Variants in CADM2 observed in about 807,000 individuals in gnomAD.
CADM2 encodes the protein cell adhesion molecule 2, also known as immunoglobulin superfamily member 4D.
In CADM2, 12 loss-of-function variants were observed where a neutral mutation model predicts 49.8. That is an observed-to-expected ratio of 0.24 (90% CI 0.15 to 0.39). The LOEUF (loss-of-function observed/expected upper bound fraction) is 0.39. Among genes scored for constraint, CADM2 ranks in the 10% least tolerant of loss-of-function variants. The probability of loss-of-function intolerance (pLI) is 1.00; values close to 1 mark genes in which losing one functional copy is unlikely to be tolerated. For synonymous variants in CADM2, 214 were observed against 175.4 expected (o/e 1.22, Z -1.74); for missense variants, 378 against 492.3 (o/e 0.77, Z 2.20).
intron 1 of CADM2, among the ~76,000 whole-genome samples, chr3:85,718,666 GAAAACGGTAGAGTGAA>G (rs895071652): frequency 6.6e-5 from 10 of 151,920 alleles, no homozygotes; most frequent in Admixed American, 6.6e-4. Flanking sequence ...CTAGAACCAT[GAAAACGGTAGAGTGAA>G]AAAAATTTAA....
chr3:85,367,796 T>G (rs1386867258), intron 1 of CADM2, among the ~76,000 whole-genome samples: 2 of 149,432 alleles, frequency 1.3e-5, no homozygotes, highest in Non-Finnish European at 3.0e-5. Context: ...TCATCATGTG[T>G]TCAAAGTTTC....
chr3:85,206,603 G>A (rs1049032807), intron 1 of CADM2, among the ~76,000 whole-genome samples: 8 of 152,082 alleles, frequency 5.3e-5, no homozygotes, highest in Admixed American at 1.3e-4. Context: ...CACCGCGCCC[G>A]GCCGAATTTA....
chr3:85,500,681 C>T (rs941864833), intron 1 of CADM2, among the ~76,000 whole-genome samples: 3 of 151,910 alleles, frequency 2.0e-5, no homozygotes, highest in Admixed American at 1.3e-4. Flanking sequence ...CTATGCCTGG[C>T]TGATTTTTTG....
intron 1 of CADM2, among the ~76,000 whole-genome samples, chr3:84,988,608 C>T (rs368050932): frequency 6.6e-6 from 1 of 152,118 alleles, no homozygotes; most frequent in African/African-American, 2.4e-5. Flanking sequence ...GGCTTTGAAA[C>T]CCTCATTGGC....
chr3:85,946,301 C>T (rs954388492), intron 7 of CADM2, among the ~76,000 whole-genome samples: 1 of 150,068 alleles, frequency 6.7e-6, no homozygotes, highest in Non-Finnish European at 1.5e-5. Context: ...AATGGAGGAA[C>T]ATTCCATGCT....
chr3:85,677,054 T>C (rs1216016398), intron 1 of CADM2, among the ~76,000 whole-genome samples: 1 of 152,136 alleles, frequency 6.6e-6, no homozygotes, highest in African/African-American at 2.4e-5. Flanking sequence ...ATAGGACACT[T>C]CTGCTAATGT....
intron 1 of CADM2, among the ~76,000 whole-genome samples, chr3:85,726,114 A>G (rs145955251): frequency 6.6e-6 from 1 of 152,026 alleles, no homozygotes; most frequent in Non-Finnish European, 1.5e-5. Context: ...AAATGATGGA[A>G]GTGGCCTGCT....
In CADM2 at chr3:86,068,729, A is replaced by G. The variant is rs1578111933; in HGVS notation, c.*1946A>G. On this transcript the variant is annotated 3_prime_UTR_variant, in exon 10 of 10. Transcript: ENST00000383699. ...GTCAAGCAGCACTTTTTCAGAATATACAGAACATAAATAATATGATGTGGT... is the reference window on the plus strand; with the variant it reads ...GTCAAGCAGCACTTTTTCAGAATATGCAGAACATAAATAATATGATGTGGT... The G allele has an allele frequency of 6.6e-6, 1 of 152,414 alleles. No homozygotes were observed. The highest frequency in any genetic ancestry group is 2.4e-5 in the African/African-American group (1 of 41,430). The allele number at this position is 152,414 out of a possible 1,614,324, so 9.4% of individuals were successfully genotyped here.
chr3:85,928,669 T>C (rs1720218082), intron 6 of CADM2, among the ~76,000 whole-genome samples: 1 of 152,238 alleles, frequency 6.6e-6, no homozygotes, highest in African/African-American at 2.4e-5. Context: ...TTTTAAAATA[T>C]CTGCGTATTT....
intron 1 of CADM2, among the ~76,000 whole-genome samples, chr3:85,523,735 A>G: frequency 6.6e-6 from 1 of 152,076 alleles, no homozygotes; most frequent in East Asian, 1.9e-4. Flanking sequence ...ATTATCTTCA[A>G]TTTTACTACT....
intron 1 of CADM2, among the ~76,000 whole-genome samples, chr3:85,287,034 A>G (rs2106914020): frequency 6.6e-6 from 1 of 152,254 alleles, no homozygotes; most frequent in Non-Finnish European, 1.5e-5. Flanking sequence ...CTGAAAATTT[A>G]TTTTTTATTA....
At chr3:85,670,282 T>A (rs573675511) in intron 1 of CADM2, among the ~76,000 whole-genome samples, 1 of 152,306 alleles carries the variant, frequency 6.6e-6, no homozygotes, top group East Asian at 1.9e-4. Flanking sequence ...GTTTTGTTTT[T>A]CAGGAGAGAA....
intron 2 of CADM2, among the ~76,000 whole-genome samples, chr3:85,789,815 G>T (rs973339916): frequency 1.3e-5 from 2 of 152,100 alleles, no homozygotes; most frequent in African/African-American, 4.8e-5. Context: ...TTGACTAATT[G>T]CATGGTGTGT....
chr3:85,097,144 TC>T (rs1240697557), intron 1 of CADM2, among the ~76,000 whole-genome samples: 6 of 152,088 alleles, frequency 3.9e-5, no homozygotes, highest in Admixed American at 3.9e-4. Context: ...TGCTATCCCT[TC>T]CCCCTCCCCA....
rs562061421 is a variant in CADM2 at position 86,017,830 on chromosome 3, T to A, written c.971-47775T>A. 2.8e-3 allele frequency among the ~76,000 whole-genome samples: 368 copies of A among 131,026 alleles called. 1 individual carries two copies. Among genetic ancestry groups the A allele is most frequent in the African/African-American group, 8.9e-3 (356 of 39,922 alleles). The allele number at this position is 131,026 out of a possible 152,430, so 86.0% of individuals were successfully genotyped here. ...TTATGTTATGTGTACCCTTAAAAAC[T>A]TTTTTCTTTTTTTTTTATAAAGTCT... is the stretch of plus-strand genomic sequence containing the variant. On this transcript the variant is annotated intron_variant, in intron 8 of 9. Transcript: ENST00000383699.
intron 1 of CADM2, among the ~76,000 whole-genome samples, chr3:85,628,500 C>T (rs2064190965): frequency 6.9e-6 from 1 of 144,898 alleles, no homozygotes; most frequent in African/African-American, 2.5e-5. Context: ...TTCTCACCCC[C>T]TCTCCCATAT....
chr3:85,280,214 A>G (rs1424432996), intron 1 of CADM2, among the ~76,000 whole-genome samples: 2 of 151,206 alleles, frequency 1.3e-5, no homozygotes, highest in Non-Finnish European at 3.0e-5. Flanking sequence ...GGCAAAATTC[A>G]CTCTATTTTT....
chr3:85,294,939 T>A (rs1410443989), intron 1 of CADM2, among the ~76,000 whole-genome samples: 1 of 151,934 alleles, frequency 6.6e-6, no homozygotes, highest in East Asian at 1.9e-4. Context: ...AATTGACAAA[T>A]GGGATCAAAT....
intron 1 of CADM2, among the ~76,000 whole-genome samples, chr3:85,235,492 G>A (rs1576181303): frequency 6.6e-6 from 1 of 152,118 alleles, no homozygotes; most frequent in African/African-American, 2.4e-5. Context: ...GAATTAATTG[G>A]TAGAGTTACA....
Sources: gnomAD v4.1 joint callset for allele counts (sites outside exome capture counted in the v4.1 genomes callset) on GRCh38, gnomAD v4.1.1 for gene constraint, MANE v1.5 for transcripts, NCBI Gene and HGNC (gene_info 2026-07-23, HGNC 2026-07-21) for gene names.